Variants in VTCN1 observed in about 807,000 individuals in gnomAD.
VTCN1 encodes the protein V-set domain-containing T-cell activation inhibitor 1.
In VTCN1, 26 loss-of-function variants were observed where a neutral mutation model predicts 26.5. The observed-to-expected ratio is 0.98, with a 90% CI of 0.72 to 1.36. The LOEUF (loss-of-function observed/expected upper bound fraction) is 1.36. Among genes scored for constraint, VTCN1 ranks in the 40% most tolerant of loss-of-function variants. The pLI is 0.00. For synonymous variants in VTCN1, 116 were observed against 130.7 expected (o/e 0.89, Z 0.77); for missense variants, 298 against 337.7 (o/e 0.88, Z 0.92).
At chr1:117,208,640 C>T (rs1458773898) in intron 1 of VTCN1, among the ~76,000 whole-genome samples, 1 of 152,190 alleles carries the variant, frequency 6.6e-6, no homozygotes, top group Non-Finnish European at 1.5e-5. Flanking sequence ...AAGCATTCTG[C>T]AAATGTTTCA....
At chr1:117,170,464 G>A (rs2101520182) in intron 1 of VTCN1, among the ~76,000 whole-genome samples, 1 of 152,262 alleles carries the variant, frequency 6.6e-6, no homozygotes, top group African/African-American at 2.4e-5. Context: ...GACTGTTGGG[G>A]CAAGAATGAT....
intron 1 of VTCN1, among the ~76,000 whole-genome samples, chr1:117,198,650 G>C (rs1648636413): frequency 6.6e-6 from 1 of 152,152 alleles, no homozygotes; most frequent in Non-Finnish European, 1.5e-5. Context: ...CCTGGTAGTT[G>C]TCAGCAAATG....
At chr1:117,210,207 G>A (rs889342337) in intron 1 of VTCN1, among the ~76,000 whole-genome samples, 1 of 141,816 alleles carries the variant, frequency 7.1e-6, no homozygotes, top group African/African-American at 3.0e-5. Context: ...TCCTCTCTGG[G>A]GAGTTCAGCA....
chr1:117,202,609 C>T (rs868609002), intron 1 of VTCN1, among the ~76,000 whole-genome samples: 5 of 152,152 alleles, frequency 3.3e-5, no homozygotes, highest in African/African-American at 4.8e-5. Flanking sequence ...TGCTGCTAAG[C>T]GCTTTATGTC....
chr1:117,177,593 G>T (rs1319907020), intron 1 of VTCN1, among the ~76,000 whole-genome samples: 1 of 152,096 alleles, frequency 6.6e-6, no homozygotes, highest in African/African-American at 2.4e-5. Flanking sequence ...TTTGTATTTG[G>T]GAAAGGAATT....
chr1:117,198,903 C>CT (rs2101596505), intron 1 of VTCN1, among the ~76,000 whole-genome samples: 1 of 152,230 alleles, frequency 6.6e-6, no homozygotes, highest in South Asian at 2.1e-4. Flanking sequence ...GAAAGCACTG[C>CT]TGTAGAAGGG....
Position 117,169,445 on chromosome 1 carries a change from A to C in VTCN1, c.97+662T>G, listed in dbSNP as rs779267689. ...TTCGTTGCAAAGAAATCATCTACCCAGGCCAACCGCTGACAGAATGGCTCA... is the reference window on the plus strand; with the variant it reads ...TTCGTTGCAAAGAAATCATCTACCCCGGCCAACCGCTGACAGAATGGCTCA... On this transcript the variant is annotated intron_variant, in intron 2 of 5. Transcript: ENST00000369458. The surrounding 1 kb of genome is among the most constrained non-coding windows in gnomAD (Gnocchi z 4.0). 6.6e-6 allele frequency among the ~76,000 whole-genome samples: 1 copy of C among 152,248 alleles called. No individual in the cohort carries two copies. The highest frequency in any genetic ancestry group is 1.5e-5 in the Non-Finnish European group (1 of 68,034).
chr1:117,168,601 A>G (rs1652733188), intron 2 of VTCN1, among the ~76,000 whole-genome samples: 1 of 152,224 alleles, frequency 6.6e-6, no homozygotes, highest in African/African-American at 2.4e-5. Context: ...AACATCATTA[A>G]GAGAGTAAAA....
rs1422244128 is a variant in VTCN1 at position 117,155,700 on chromosome 1, A to C, written c.445+874T>G. On this transcript the variant is annotated intron_variant, in intron 3 of 5. Coordinates refer to ENST00000369458, the MANE Select transcript of VTCN1 (RefSeq NM_024626.4). The surrounding 1 kb of genome is among the most constrained non-coding windows in gnomAD (Gnocchi z 4.8). ...CTAGATCTGAGCTTCGAATCATTGC[A>C]TATGCATGTTATGAGGTGTGCAAGA... Among the ~76,000 whole-genome samples, 2 of 152,052 alleles carry C rather than the reference A, an allele frequency of 1.3e-5. No individual in the cohort carries two copies. The highest frequency in any genetic ancestry group is 2.4e-5 in the African/African-American group (1 of 41,404).
chr1:117,171,016 CT>C (rs1557867244), intron 1 of VTCN1, among the ~76,000 whole-genome samples: 1 of 151,872 alleles, frequency 6.6e-6, no homozygotes, highest in East Asian at 2.0e-4. Flanking sequence ...CCCAGCCCCC[CT>C]GACAGGCCCC....
chr1:117,164,466 T>G (rs1010110512), intron 2 of VTCN1, among the ~76,000 whole-genome samples: 19 of 152,136 alleles, frequency 1.2e-4, no homozygotes, highest in Non-Finnish European at 4.4e-5. Context: ...CTTTCCTGGT[T>G]GACCAGGAAA....
intron 2 of VTCN1, among the ~76,000 whole-genome samples, chr1:117,166,630 C>A (rs1207819838): frequency 1.4e-5 from 2 of 140,704 alleles, no homozygotes; most frequent in South Asian, 2.3e-4. Context: ...GTGGTGCGCG[C>A]CTGTAATCCC....
chr1:117,152,614 G>A (rs1651856493), intron 4 of VTCN1, among the ~76,000 whole-genome samples: 1 of 152,150 alleles, frequency 6.6e-6, no homozygotes, highest in African/African-American at 2.4e-5. Context: ...AGTCTCATGA[G>A]GGATGAATAA....
intron 1 of VTCN1, among the ~76,000 whole-genome samples, chr1:117,201,504 C>A (rs1369922228): frequency 3.3e-5 from 5 of 152,196 alleles, no homozygotes; most frequent in Admixed American, 3.3e-4. Context: ...GCATCCCACT[C>A]CCAAATGCAG....
chr1:117,153,222 C>T lies in VTCN1; in HGVS notation c.593G>A (p.Ser198Asn), dbSNP rs752832839. 1 of 1,614,116 alleles carries T rather than the reference C, an allele frequency of 6.2e-7. No homozygotes were observed. The highest frequency in any genetic ancestry group is 1.7e-5 in the Admixed American group (1 of 60,008). The change falls in exon 4 of 6, where the codon AGC becomes AAC. Residue 198 changes from serine to asparagine, a missense_variant. Transcript: ENST00000369458. ...CACATTCTCAGAGTTCAGCTCAAAG[C>T]TGGTATTGGAGACTTCCGAGAAGTT... ...GANFSEVSNT[S>N]FELNSENVTM...
chr1:117,145,776 G>A lies in VTCN1; in HGVS notation c.*46-551C>T, dbSNP rs1651475938. On this transcript the variant is annotated intron_variant, in intron 5 of 5. Coordinates refer to ENST00000369458, the MANE Select transcript of VTCN1 (RefSeq NM_024626.4). The surrounding 1 kb of genome is among the most constrained non-coding windows in gnomAD (Gnocchi z 4.6). ...AGCCTCCTGAGTAGCTGGGACCACA[G>A]GTGGACCTCCACACCTGGCTAATTT... Among the ~76,000 whole-genome samples the A allele has an allele frequency of 6.6e-6, 1 of 152,088 alleles. No homozygotes were observed. The highest frequency in any genetic ancestry group is 2.1e-4 in the South Asian group (1 of 4,818).
chr1:117,172,648 C>A (rs866388995), intron 1 of VTCN1, among the ~76,000 whole-genome samples: 12 of 152,128 alleles, frequency 7.9e-5, no homozygotes, highest in South Asian at 2.1e-4. Context: ...TGTCCCCCCC[C>A]ACATTCACAT....
rs758017727 is a variant in VTCN1 at position 117,167,978 on chromosome 1, G to C, written c.97+2129C>G. 1.3e-5 allele frequency among the ~76,000 whole-genome samples: 2 copies of C among 151,652 alleles called. No individual in the cohort carries two copies. Among genetic ancestry groups the C allele is most frequent in the Non-Finnish European group, 2.9e-5 (2 of 67,912 alleles). On this transcript the variant is annotated intron_variant, in intron 2 of 5. Coordinates refer to ENST00000369458, the MANE Select transcript of VTCN1 (RefSeq NM_024626.4). The surrounding 1 kb of genome is among the most constrained non-coding windows in gnomAD (Gnocchi z 4.1). Reference sequence around the variant, plus strand: ...AGCAGAAGAAAGAAAAAGAGAAAGAGAGAAGACTAGAGAGAAAGAAAGAGA... The same window carrying C: ...AGCAGAAGAAAGAAAAAGAGAAAGACAGAAGACTAGAGAGAAAGAAAGAGA...
chr1:117,165,575 CT>C (rs1652567319), intron 2 of VTCN1, among the ~76,000 whole-genome samples: 1 of 152,142 alleles, frequency 6.6e-6, no homozygotes, highest in Non-Finnish European at 1.5e-5. Context: ...CCACCACTCT[CT>C]CTCCCTCTTG....
Sources: gnomAD v4.1 joint callset for allele counts (sites outside exome capture counted in the v4.1 genomes callset) on GRCh38, gnomAD v4.1.1 for gene constraint, Gnocchi (gnomAD v3.1) non-coding constraint, MANE v1.5 for transcripts, NCBI Gene and HGNC (gene_info 2026-07-23, HGNC 2026-07-21) for gene names.